Variants in SEPTIN8 observed in about 807,000 individuals in gnomAD.
SEPTIN8 encodes septin-8.
Under a neutral mutation model 53.1 loss-of-function variants are expected in SEPTIN8, and 22 were observed. The observed-to-expected ratio is 0.41, with a 90% CI of 0.30 to 0.59. The LOEUF is 0.59. Ranked by LOEUF, SEPTIN8 falls within the 20% of genes least tolerant of loss-of-function variation. SEPTIN8 has a pLI of 0.24. For synonymous variants in SEPTIN8, 228 were observed against 248.4 expected, an observed-to-expected ratio of 0.92 and a Z score of 0.77; for missense variants, 536 against 638.7, an observed-to-expected ratio of 0.84 and a Z score of 1.73.
In SEPTIN8 at chr5:132,751,190, TC is replaced by T. The variant is rs367591672; in HGVS notation, c.*825del. 3.1e-5 allele frequency: 16 copies of T among 513,774 alleles called. No individual in the cohort carries two copies. Among genetic ancestry groups the T allele is most frequent in the African/African-American group, 1.7e-4 (9 of 51,500 alleles). 31.8% of individuals were successfully genotyped at this position (513,774 alleles called of 1,614,324 possible). A position where few individuals can be genotyped will look rare whatever the true frequency, so the allele number is the denominator to read the frequency against. On this transcript the variant is annotated 3_prime_UTR_variant, in exon 10 of 10. Transcript: ENST00000378719. ...TAAATCCAACACAGTTCCACCAGAC[TC>T]CCACTTCTAAAGGACATTAAATTAA...
chr5:132,767,586 C>T lies in SEPTIN8; in HGVS notation c.31-2057G>A, dbSNP rs138859461. Among the ~76,000 whole-genome samples, 669 of 152,134 alleles carry T rather than the reference C, an allele frequency of 4.4e-3. 5 individuals carry two copies. The highest frequency in any genetic ancestry group is 0.015 in the African/African-American group (632 of 41,486). ...GGGGAGGTCAGGTTTTCTGTTCTTC[C>T]TTCCCTCCCATTACTATGCCCAACA... is the stretch of plus-strand genomic sequence containing the variant. On this transcript the variant is annotated intron_variant, in intron 1 of 9. Coordinates refer to ENST00000378719, the MANE Select transcript of SEPTIN8 (RefSeq NM_001098811.2).
chr5:132,767,943 CCACACACACA>C (rs57640097), intron 1 of SEPTIN8, among the ~76,000 whole-genome samples: 200 of 127,972 alleles, frequency 1.6e-3, no homozygotes, highest in African/African-American at 2.9e-3. Context: ...TGTCTGGAAA[CCACACACACA>C]CACACACACA....
upstream of SEPTIN8, chr5:132,777,342 G>A: frequency 6.6e-6 from 7 of 1,055,802 alleles, no homozygotes; most frequent in Non-Finnish European, 8.0e-6. This position sits in a 1 kb window ranked among gnomAD's most constrained non-coding sequence, Gnocchi z 4.1. Context: ...CTCCCCGCCC[G>A]GCCCGGCCAC....
At chr5:132,767,731 T>A (rs993930496) in intron 1 of SEPTIN8, among the ~76,000 whole-genome samples, 2 of 152,168 alleles carry the variant, frequency 1.3e-5, no homozygotes, top group African/African-American at 4.8e-5. Context: ...CCTCCTTGTG[T>A]CGGCTTGAGG....
chr5:132,751,655 T>C lies in SEPTIN8; in HGVS notation c.*361A>G. The C allele has an allele frequency of 2.3e-6, 1 of 433,394 alleles. No individual in the cohort carries two copies. Among genetic ancestry groups the C allele is most frequent in the Non-Finnish European group, 4.1e-6 (1 of 245,542 alleles). 26.8% of individuals were successfully genotyped at this position (433,394 alleles called of 1,614,324 possible). ...GATAAGCAGATACAAGTAACTTTTCTGCTACCTTGGTCTTGAATAGTATGT... is the reference window on the plus strand; with the variant it reads ...GATAAGCAGATACAAGTAACTTTTCCGCTACCTTGGTCTTGAATAGTATGT... On this transcript the variant is annotated 3_prime_UTR_variant, in exon 10 of 10. Transcript: ENST00000378719.
Position 132,760,838 on chromosome 5 carries a change from G to A in SEPTIN8, c.1250C>T (p.Ser417Leu), listed in dbSNP as rs775698421. 5.0e-6 allele frequency: 8 copies of A among 1,613,804 alleles called. No homozygotes were observed. The highest frequency in any genetic ancestry group is 2.2e-5 in the East Asian group (1 of 44,888). ...CTTGTCCTTCCTCAGGGGCTGCTGC[G>A]AGGTGGCGTGCAAGGCCTGCGACTG... ...ALQSQALHAT[S>L]QQPLRKDKDK... Residue 417 changes from serine to leucine, a missense_variant, in exon 9 of 10, where the codon TCG becomes TTG. Coordinates refer to ENST00000378719, the MANE Select transcript of SEPTIN8 (RefSeq NM_001098811.2). The surrounding 1 kb of genome is among the most constrained non-coding windows in gnomAD (Gnocchi z 5.2).
intron 9 of SEPTIN8, chr5:132,756,760 C>G: frequency 3.0e-6 from 3 of 985,454 alleles, no homozygotes; most frequent in Non-Finnish European, 2.4e-6. Context: ...AGGCAGCCAG[C>G]CACGAGTATG....
Position 132,764,412 on chromosome 5 carries a change from G to C in SEPTIN8, c.159C>G (p.Thr53=). ...TCATCAGTGTGGATTTGCCAATGCC[G>C]GTCTCCCCTGGGCAGTGAGGACAGG... is the stretch of plus-strand genomic sequence containing the variant. The part of the protein sequence containing the change: ...FSFNILCVGE[T]GIGKSTLMNT... The change falls in exon 3 of 10, where the codon ACC becomes ACG. Residue 53 remains threonine (T), a synonymous_variant. Coordinates refer to ENST00000378719, the MANE Select transcript of SEPTIN8 (RefSeq NM_001098811.2). 1 of 1,612,302 alleles carries C rather than the reference G, an allele frequency of 6.2e-7. No individual in the cohort carries two copies. Among genetic ancestry groups the C allele is most frequent in the Non-Finnish European group, 8.5e-7 (1 of 1,178,986 alleles).
At position 132,761,421 on chromosome 5, in the gene SEPTIN8, G is replaced by C. The variant is rs765273005; in HGVS notation, c.962+37C>G. The C allele has an allele frequency of 6.3e-7, 1 of 1,595,578 alleles. No individual in the cohort carries two copies. The highest frequency in any genetic ancestry group is 1.7e-5 in the Admixed American group (1 of 59,452). On this transcript the variant is annotated intron_variant, in intron 7 of 9. Transcript: ENST00000378719. This position sits in a 1 kb window ranked among gnomAD's most constrained non-coding sequence, Gnocchi z 5.8. ...TGCCAGGGTGGTGTGTCTGGCCACA[G>C]CTGTGAAGACAGGCTCACTCTGGCT...
In SEPTIN8 at chr5:132,762,569, ATGATCT is replaced by A; in HGVS notation, c.605_610del (p.Lys202_Ile203del). ...GACCCCGTTGCTGACCAACTCGCCC[ATGATCT>A]TGATCTTGAACTTGTGGAGCTCGCT... On this transcript the variant is annotated inframe_deletion, in exon 5 of 10. Coordinates refer to ENST00000378719, the MANE Select transcript of SEPTIN8 (RefSeq NM_001098811.2). The A allele has an allele frequency of 6.2e-7, 1 of 1,614,232 alleles. No homozygotes were observed. The highest frequency in any genetic ancestry group is 8.5e-7 in the Non-Finnish European group (1 of 1,180,020).
chr5:132,777,929 G>T, upstream of SEPTIN8: 1 of 985,478 alleles, frequency 1.0e-6, no homozygotes, highest in Non-Finnish European at 1.2e-6. This position sits in a 1 kb window ranked among gnomAD's most constrained non-coding sequence, Gnocchi z 4.1. Flanking sequence ...CGGTCAAGGC[G>T]TCAGATTGCA....
chr5:132,757,238 C>T, intron 9 of SEPTIN8: 1 of 985,130 alleles, frequency 1.0e-6, no homozygotes, highest in Non-Finnish European at 1.2e-6. Context: ...AAATTTAGAT[C>T]CACCCCTGGT....
At chr5:132,758,103 G>T (rs1256888756) in intron 9 of SEPTIN8, 2 of 1,012,604 alleles carry the variant, frequency 2.0e-6, no homozygotes, top group African/African-American at 3.5e-5. Flanking sequence ...ACATGGTCTT[G>T]TTCATGTTCC....
intron 2 of SEPTIN8, among the ~76,000 whole-genome samples, 188 bp downstream of exon 2, chr5:132,765,221 G>A (rs1756461209): frequency 1.3e-5 from 2 of 152,230 alleles, no homozygotes; most frequent in African/African-American, 2.4e-5. Flanking sequence ...TGACAATGCT[G>A]TGTCAGGCCC....
At position 132,761,481 on chromosome 5, in the gene SEPTIN8, G is replaced by A. The variant is rs370048462; in HGVS notation, c.939C>T (p.Ser313=). The part of the protein sequence containing the change: ...CKLEEMGFQD[S]DGDSQPFSLQ... ...ACCTGAAGGGCTGGCTGTCACCATC[G>A]CTGTCCTGAAAGCCCATCTCCTCCA... Residue 313 remains serine, a synonymous_variant, in exon 7 of 10, where the codon AGC becomes AGT. Coordinates refer to ENST00000378719, the MANE Select transcript of SEPTIN8 (RefSeq NM_001098811.2). The surrounding 1 kb of genome is among the most constrained non-coding windows in gnomAD (Gnocchi z 5.8). The A allele has an allele frequency of 3.2e-5, 52 of 1,612,384 alleles. No individual in the cohort carries two copies. Among genetic ancestry groups the A allele is most frequent in the Non-Finnish European group, 4.1e-5 (48 of 1,179,790 alleles).
Position 132,764,278 on chromosome 5 carries a change from T to A in SEPTIN8, c.293A>T (p.Lys98Met), listed in dbSNP as rs549922059. The A allele has an allele frequency of 2.2e-5, 36 of 1,614,188 alleles. No homozygotes were observed. Among genetic ancestry groups the A allele is most frequent in the Admixed American group, 1.7e-4 (10 of 60,010 alleles). ...YDLQESNVQL[K>M]LTIVDAVGFG... ...GCCCACGGCATCCACAATGGTCAGC[T>A]TGAGCTGCACGTTGCTCTCCTGGAG... The change falls in exon 3 of 10, where the codon AAG becomes ATG. Residue 98 changes from lysine to methionine, a missense_variant. Physicochemically the swap from Lys to Met is moderately conservative, Grantham distance 95. This residue lies in a region of SEPTIN8 where 395 missense variants were observed against 451.8 expected (regional missense o/e 0.87). Transcript: ENST00000378719.
At chr5:132,763,617 G>A in intron 4 of SEPTIN8, 89 bp downstream of exon 4, 1 of 1,266,704 alleles carries the variant, frequency 7.9e-7, no homozygotes, top group Non-Finnish European at 1.1e-6. Context: ...GGTCCCTGAG[G>A]ACCATGGTGT....
chr5:132,759,303 C>T (rs578236264), intron 9 of SEPTIN8, among the ~76,000 whole-genome samples: 45 of 152,200 alleles, frequency 3.0e-4, no homozygotes, highest in African/African-American at 9.9e-4. Context: ...ACCTGTTTTC[C>T]AGGCCCAGGC....
intron 4 of SEPTIN8, 149 bp downstream of exon 4, chr5:132,763,557 G>C: frequency 1.4e-6 from 1 of 698,116 alleles, no homozygotes; most frequent in Non-Finnish European, 2.5e-6. Context: ...ACAGACGCAA[G>C]ACAGAGAGAG....
Sources: gnomAD v4.1 joint callset for allele counts (sites outside exome capture counted in the v4.1 genomes callset) on GRCh38, gnomAD v4.1.1 for gene constraint, gnomAD v4.1.1 regional missense constraint, Gnocchi (gnomAD v3.1) non-coding constraint, MANE v1.5 for transcripts, NCBI Gene and HGNC (gene_info 2026-07-23, HGNC 2026-07-21) for gene names.